The following RANBP2 variants were observed in gnomAD, a reference collection of about 807,000 sequenced individuals.
RANBP2 encodes E3 SUMO-protein ligase RanBP2.
In RANBP2, 57 loss-of-function variants were observed where a neutral mutation model predicts 303.6. That is an observed-to-expected ratio of 0.19 (90% CI 0.15 to 0.23). RANBP2 has a LOEUF of 0.23. Among genes scored for constraint, RANBP2 ranks in the 10% least tolerant of loss-of-function variants. The pLI is 1.00. For missense variants in RANBP2, 3,138 were observed against 3,780.8 expected (o/e 0.83, Z 4.46); for synonymous variants, 1,167 against 1,301.5 (o/e 0.90, Z 2.23).
the RANBP2 span, chr2:108,812,667 A>T: frequency 6.2e-7 from 1 of 1,613,250 alleles, no homozygotes; most frequent in Non-Finnish European, 8.5e-7. Flanking sequence ...GAAGATAGAC[A>T]TTCAGGCTAA....
chr2:109,712,226 C>T, the RANBP2 span, among the ~76,000 whole-genome samples: 1 of 152,110 alleles, frequency 6.6e-6, no homozygotes, highest in African/African-American at 2.4e-5. Flanking sequence ...AGTGACAGGC[C>T]TGGAATGGAG....
chr2:108,729,182 A>G lies in RANBP2; in HGVS notation c.123A>G (p.Glu41=), dbSNP rs1362974261. The change falls in exon 2 of 29, where the codon GAA becomes GAG. Residue 41 remains glutamate, a synonymous_variant. Transcript: ENST00000283195. ...YFAKLYYEAK[E]YDLAKKYICT... ...CAAAGCTGTATTATGAAGCTAAAGA[A>G]TATGATCTTGCTAAAAAGTAAGTAC... 1.9e-6 allele frequency: 3 copies of G among 1,570,950 alleles called. No individual in the cohort carries two copies. Among genetic ancestry groups the G allele is most frequent in the South Asian group, 1.1e-5 (1 of 89,414 alleles).
chr2:109,714,956 G>GT, the RANBP2 span, among the ~76,000 whole-genome samples: 29 of 77,912 alleles, frequency 3.7e-4, no homozygotes, highest in Admixed American at 4.0e-3. Flanking sequence ...CCCATAGTAG[G>GT]TTTTTTTTGG....
chr2:109,485,245 A>G, the RANBP2 span, among the ~76,000 whole-genome samples: 1 of 152,258 alleles, frequency 6.6e-6, no homozygotes, highest in Non-Finnish European at 1.5e-5. Context: ...AAGTGGTGGG[A>G]CAGCCACCTG....
chr2:109,426,121 C>G, the RANBP2 span, among the ~76,000 whole-genome samples: 1 of 152,150 alleles, frequency 6.6e-6, no homozygotes, highest in Non-Finnish European at 1.5e-5. Flanking sequence ...GTTGGCCAGG[C>G]TGGTGTCTAA....
intron 7 of RANBP2, among the ~76,000 whole-genome samples, chr2:108,742,581 G>A (rs1445821470): frequency 6.6e-6 from 1 of 152,042 alleles, no homozygotes; most frequent in African/African-American, 2.4e-5. Context: ...TGGGATTACA[G>A]GCATAAGCCA....
chr2:108,755,858 G>T (rs1235127730), intron 17 of RANBP2, among the ~76,000 whole-genome samples: 4 of 146,816 alleles, frequency 2.7e-5, no homozygotes, highest in African/African-American at 1.0e-4. Context: ...TGAGTAGCTG[G>T]GATTACAGGC....
chr2:108,753,219 C>T (rs1676043710), intron 13 of RANBP2, 60 bp downstream of exon 13: 1 of 1,610,930 alleles, frequency 6.2e-7, no homozygotes, highest in Admixed American at 1.7e-5. Flanking sequence ...TAAACAAAGA[C>T]ATAGAGCTAT....
At chr2:108,929,908 G>A in the RANBP2 span, among the ~76,000 whole-genome samples, 1 of 152,212 alleles carries the variant, frequency 6.6e-6, no homozygotes, top group Non-Finnish European at 1.5e-5. Flanking sequence ...CAGAACTCCT[G>A]AAAAATCTGT....
chr2:109,679,225 A>G, the RANBP2 span, among the ~76,000 whole-genome samples: 2 of 152,240 alleles, frequency 1.3e-5, no homozygotes, highest in African/African-American at 4.8e-5. Context: ...TGTGCAGAGA[A>G]CAACAGGCAG....
chr2:108,727,070 T>C (rs1181780608), intron 1 of RANBP2, among the ~76,000 whole-genome samples: 1 of 152,148 alleles, frequency 6.6e-6, no homozygotes, highest in Non-Finnish European at 1.5e-5. Flanking sequence ...GATTTCTCAA[T>C]CTTTTCCCCA....
the RANBP2 span, among the ~76,000 whole-genome samples, chr2:108,802,526 T>G: frequency 1.6e-3 from 237 of 146,302 alleles, 1 homozygote; most frequent in African/African-American, 5.8e-3. Context: ...AAGGAGATTT[T>G]GGGCTGAGAC....
the RANBP2 span, among the ~76,000 whole-genome samples, chr2:109,551,977 C>A: frequency 6.6e-6 from 1 of 152,184 alleles, no homozygotes; most frequent in African/African-American, 2.4e-5. Context: ...TGGTCCATGG[C>A]CTGTTAGGAA....
chr2:108,856,720 C>A, the RANBP2 span: 1 of 1,400,768 alleles, frequency 7.1e-7, no homozygotes, highest in East Asian at 2.4e-5. Context: ...AACGACATTG[C>A]TTTTTTACCT....
At chr2:108,802,992 C>CA in the RANBP2 span, among the ~76,000 whole-genome samples, 2 of 152,294 alleles carry the variant, frequency 1.3e-5, no homozygotes, top group South Asian at 4.1e-4. Context: ...ACTTTGCTTT[C>CA]AAAGCCTTTG....
At chr2:109,345,433 A>G in the RANBP2 span, among the ~76,000 whole-genome samples, 1 of 152,144 alleles carries the variant, frequency 6.6e-6, no homozygotes, top group East Asian at 1.9e-4. Flanking sequence ...TGTTGTTACC[A>G]ATGGTAGCAA....
At chr2:108,936,423 G>A in the RANBP2 span, among the ~76,000 whole-genome samples, 2 of 152,290 alleles carry the variant, frequency 1.3e-5, no homozygotes, top group East Asian at 1.9e-4. Flanking sequence ...CTTCCATGGC[G>A]GGAGGCAAGG....
chr2:109,199,161 C>A, the RANBP2 span, among the ~76,000 whole-genome samples: 4 of 151,832 alleles, frequency 2.6e-5, no homozygotes, highest in African/African-American at 7.3e-5. Context: ...AGATCGAGAC[C>A]ATCCTGGCTA....
chr2:109,238,621 A>G, the RANBP2 span, among the ~76,000 whole-genome samples: 1 of 152,092 alleles, frequency 6.6e-6, no homozygotes, highest in South Asian at 2.1e-4. Context: ...TATGGATGCC[A>G]CTGTTTCAGA....
Sources: allele counts gnomAD v4.1 joint callset (sites outside exome capture counted in the v4.1 genomes callset), GRCh38; gene constraint gnomAD v4.1.1; transcripts MANE v1.5; gene names NCBI Gene and HGNC (gene_info 2026-07-23, HGNC 2026-07-21).